JAM2: variants seen among roughly 807,000 people sequenced by gnomAD.
The protein encoded by JAM2 is junctional adhesion molecule 2.
In JAM2, 17 loss-of-function variants were observed where a neutral mutation model predicts 42.0. That is an observed-to-expected ratio of 0.40 (90% CI 0.28 to 0.61). The LOEUF is 0.61. JAM2 is among the 20% of genes least tolerant of loss of function. JAM2 has a pLI of 0.37. For missense variants in JAM2, 319 were observed against 358.3 expected, an observed-to-expected ratio of 0.89 and a Z score of 0.89; for synonymous variants, 118 against 128.6, an observed-to-expected ratio of 0.92 and a Z score of 0.56.
At chr21:25,697,833 G>A (rs1019073354) in intron 4 of JAM2, among the ~76,000 whole-genome samples, 14 of 151,860 alleles carry the variant, frequency 9.2e-5, no homozygotes, top group Non-Finnish European at 1.6e-4. Context: ...GGTTGAGCTC[G>A]GGAGGTTGAG....
chr21:25,711,327 G>A (rs969762837), intron 8 of JAM2: 7 of 435,524 alleles, frequency 1.6e-5, no homozygotes, highest in Non-Finnish European at 2.3e-5. Context: ...CCTGTAGTTT[G>A]TGTGTACTTG....
At chr21:25,708,017 C>T (rs909950809) in intron 7 of JAM2, among the ~76,000 whole-genome samples, 3 of 151,516 alleles carry the variant, frequency 2.0e-5, no homozygotes, top group Non-Finnish European at 4.4e-5. Flanking sequence ...GGCTAATTTT[C>T]TTTTATTTTT....
intron 1 of JAM2, among the ~76,000 whole-genome samples, chr21:25,678,544 A>G (rs1184822825): frequency 6.6e-6 from 1 of 152,258 alleles, no homozygotes; most frequent in Non-Finnish European, 1.5e-5. Context: ...GAAATATACA[A>G]GCAAAAGAGT....
intron 1 of JAM2, among the ~76,000 whole-genome samples, chr21:25,674,222 C>G (rs552791101): frequency 4.6e-4 from 70 of 152,112 alleles, no homozygotes; most frequent in African/African-American, 1.6e-3. Context: ...CATGAAACCC[C>G]ATCTCTACTA....
chr21:25,640,962 C>G (rs1048549047), intron 1 of JAM2, among the ~76,000 whole-genome samples: 3 of 152,184 alleles, frequency 2.0e-5, no homozygotes, highest in Admixed American at 2.0e-4. Flanking sequence ...TTCTCACGCC[C>G]TCGCTGCCCA....
intron 1 of JAM2, among the ~76,000 whole-genome samples, chr21:25,668,756 C>T (rs2033283271): frequency 6.6e-6 from 1 of 152,018 alleles, no homozygotes; most frequent in African/African-American, 2.4e-5. Context: ...GTGTTTAATG[C>T]CAGGAATCTG....
At chr21:25,658,034 A>C (rs1228024906) in intron 1 of JAM2, among the ~76,000 whole-genome samples, 1 of 152,216 alleles carries the variant, frequency 6.6e-6, no homozygotes, top group African/African-American at 2.4e-5. Flanking sequence ...TAATATATCA[A>C]AAAATAATAT....
intron 4 of JAM2, among the ~76,000 whole-genome samples, chr21:25,697,884 G>T (rs990182300): frequency 2.0e-5 from 3 of 150,902 alleles, no homozygotes; most frequent in Non-Finnish European, 4.4e-5. Context: ...CTCCAGCCTG[G>T]GTTATAGAGT....
intron 6 of JAM2, 71 bp from the exon 7 acceptor site, chr21:25,705,908 T>C: frequency 9.3e-7 from 1 of 1,075,592 alleles, no homozygotes; most frequent in South Asian, 1.3e-5. Context: ...TTTTTGAACC[T>C]TTTCAATTTA....
chr21:25,643,775 G>A (rs138665947), intron 1 of JAM2: 4 of 152,322 alleles, frequency 2.6e-5, no homozygotes, highest in East Asian at 1.9e-4. Context: ...TGAGCACAGT[G>A]AGTTCCCTAT....
At chr21:25,686,051 A>G (rs542256827) in intron 2 of JAM2, among the ~76,000 whole-genome samples, 1 of 152,352 alleles carries the variant, frequency 6.6e-6, no homozygotes, top group African/African-American at 2.4e-5. Flanking sequence ...TTTTAAGTGA[A>G]CAATTCAGTG....
At chr21:25,690,973 T>G (rs1481658880) in intron 3 of JAM2, among the ~76,000 whole-genome samples, 2 of 152,210 alleles carry the variant, frequency 1.3e-5, no homozygotes, top group Admixed American at 1.3e-4. Flanking sequence ...AACCAGTGGT[T>G]AATGATACAG....
rs1479100376 is a variant in JAM2 at position 25,683,678 on chromosome 21, A to G, written c.68-205A>G. 6.6e-5 allele frequency among the ~76,000 whole-genome samples: 10 copies of G among 152,192 alleles called. 1 individual carries two copies. The highest frequency in any genetic ancestry group is 5.9e-4 in the Admixed American group (9 of 15,282). Reference sequence around the variant, plus strand: ...ATGGATTCTACTTTGGAAAATGCTTAAAGGCCAAAGCTACAATCTAGAAAA... The same window carrying G: ...ATGGATTCTACTTTGGAAAATGCTTGAAGGCCAAAGCTACAATCTAGAAAA... On this transcript the variant is annotated intron_variant, in intron 1 of 9. Coordinates refer to ENST00000480456, the MANE Select transcript of JAM2 (RefSeq NM_021219.4).
chr21:25,678,972 A>T (rs957244444), intron 1 of JAM2, among the ~76,000 whole-genome samples: 1 of 152,130 alleles, frequency 6.6e-6, no homozygotes, highest in Non-Finnish European at 1.5e-5. Flanking sequence ...GATAATTTTT[A>T]AAAATTTTTT....
chr21:25,680,042 T>G (rs986772221), intron 1 of JAM2, among the ~76,000 whole-genome samples: 2 of 152,130 alleles, frequency 1.3e-5, no homozygotes, highest in African/African-American at 2.4e-5. Context: ...ATTGTAAGAG[T>G]CAAATGAGTT....
chr21:25,680,255 T>C (rs182229494), intron 1 of JAM2, among the ~76,000 whole-genome samples: 18 of 152,362 alleles, frequency 1.2e-4, no homozygotes, highest in Admixed American at 9.8e-4. Flanking sequence ...CTAGGACTTT[T>C]GATGTGGAAA....
chr21:25,640,928 C>G (rs995061407), intron 1 of JAM2, among the ~76,000 whole-genome samples: 1 of 152,124 alleles, frequency 6.6e-6, no homozygotes, highest in Non-Finnish European at 1.5e-5. Flanking sequence ...GGACGAGTGT[C>G]TAATACCACA....
At chr21:25,666,133 C>G (rs1459684769) in intron 1 of JAM2, among the ~76,000 whole-genome samples, 1 of 152,046 alleles carries the variant, frequency 6.6e-6, no homozygotes. Context: ...GCATCATTGC[C>G]TAGCCAAGTT....
intron 2 of JAM2, among the ~76,000 whole-genome samples, chr21:25,688,814 T>C (rs2033812534): frequency 6.6e-6 from 1 of 152,216 alleles, no homozygotes; most frequent in African/African-American, 2.4e-5. Flanking sequence ...ATCAAAGGTA[T>C]GAAAAGGATT....
Sources: gnomAD v4.1 joint callset for allele counts (sites outside exome capture counted in the v4.1 genomes callset) on GRCh38, gnomAD v4.1.1 for gene constraint, MANE v1.5 for transcripts, NCBI Gene and HGNC (gene_info 2026-07-23, HGNC 2026-07-21) for gene names.